SMCO4: variants seen among roughly 807,000 people sequenced by gnomAD.
The protein encoded by SMCO4 is single-pass membrane and coiled-coil domain-containing protein 4.
In SMCO4, 4 loss-of-function variants were observed where a neutral mutation model predicts 3.6. The observed-to-expected ratio is 1.11, with a 90% CI of 0.54 to 2.53. The LOEUF is 2.53. Among genes scored for constraint, SMCO4 ranks in the 30% most tolerant of loss-of-function variants. The pLI, the probability that SMCO4 is intolerant of heterozygous loss-of-function variation, is 0.02. For synonymous variants in SMCO4, 36 were observed against 35.3 expected (o/e 1.02, Z -0.07); for missense variants, 70 against 80.8 (o/e 0.87, Z 0.51).
chr11:93,484,800 C>T (rs371209712), intron 2 of SMCO4, among the ~76,000 whole-genome samples: 1 of 151,564 alleles, frequency 6.6e-6, no homozygotes, highest in Non-Finnish European at 1.5e-5. Context: ...AGGTTTGATG[C>T]GAGAAGCCTG....
intron 1 of SMCO4, among the ~76,000 whole-genome samples, chr11:93,527,061 C>T (rs575134540): frequency 6.6e-6 from 1 of 152,334 alleles, no homozygotes; most frequent in Non-Finnish European, 1.5e-5. Flanking sequence ...ACAAACCAAC[C>T]TTGGCAACCG....
intron 1 of SMCO4, among the ~76,000 whole-genome samples, chr11:93,537,308 T>C (rs1277351776): frequency 1.3e-5 from 2 of 152,190 alleles, no homozygotes; most frequent in Non-Finnish European, 2.9e-5. Context: ...CCCACGCATT[T>C]GAGTCCCTCC....
intron 1 of SMCO4, among the ~76,000 whole-genome samples, chr11:93,509,207 C>T (rs1021639236): frequency 2.6e-5 from 4 of 151,916 alleles, no homozygotes; most frequent in Admixed American, 2.0e-4. Context: ...AGGAGGATCG[C>T]TTGCACCCAG....
upstream of SMCO4, among the ~76,000 whole-genome samples, chr11:93,545,263 G>A (rs549235998): frequency 3.3e-5 from 5 of 152,260 alleles, no homozygotes; most frequent in South Asian, 1.0e-3. Context: ...CTCCCTTATA[G>A]TAGTAATAAC....
intron 1 of SMCO4, among the ~76,000 whole-genome samples, chr11:93,519,067 A>G (rs1244019432): frequency 6.6e-6 from 1 of 152,264 alleles, no homozygotes; most frequent in Non-Finnish European, 1.5e-5. Flanking sequence ...GCACTACTTA[A>G]GAATGGCTTG....
In SMCO4 at chr11:93,478,667, C is replaced by T; in HGVS notation, c.*343G>A. The T allele has an allele frequency of 4.3e-6, 1 of 233,944 alleles. No homozygotes were observed. 14.5% of individuals were successfully genotyped at this position (233,944 alleles called of 1,614,324 possible). ...TGTTTCCTGACCCAGAGGTTCCATCCCTCTTCAGGTGGAGCTACTTATCGA... is the reference window on the plus strand; with the variant it reads ...TGTTTCCTGACCCAGAGGTTCCATCTCTCTTCAGGTGGAGCTACTTATCGA... On this transcript the variant is annotated 3_prime_UTR_variant, in exon 3 of 3. Transcript: ENST00000298966.
chr11:93,478,721 A>G lies in SMCO4; in HGVS notation c.*289T>C, dbSNP rs1414479742. 1.3e-4 allele frequency: 23 copies of G among 176,304 alleles called. No individual in the cohort carries two copies. The East Asian group carries it at 3.4e-3, about 26-fold the overall frequency. The allele number at this position is 176,304 out of a possible 1,614,324, so 10.9% of individuals were successfully genotyped here. On this transcript the variant is annotated 3_prime_UTR_variant, in exon 3 of 3. Coordinates refer to ENST00000298966, the MANE Select transcript of SMCO4 (RefSeq NM_020179.3). ...TTAGGAGAGAAAAAGAAGCACACACACACACACACACACACACACACACAC... is the reference window on the plus strand; with the variant it reads ...TTAGGAGAGAAAAAGAAGCACACACGCACACACACACACACACACACACAC...
At position 93,478,917 on chromosome 11, in the gene SMCO4, T is replaced by A. The variant is rs547019109; in HGVS notation, c.*93A>T. 6.8e-7 allele frequency: 1 copy of A among 1,476,102 alleles called. No individual in the cohort carries two copies. Among genetic ancestry groups the A allele is most frequent in the Non-Finnish European group, 9.0e-7 (1 of 1,113,440 alleles). 91.4% of individuals were successfully genotyped at this position (1,476,102 alleles called of 1,614,324 possible). On this transcript the variant is annotated 3_prime_UTR_variant, in exon 3 of 3. Transcript: ENST00000298966. Reference sequence around the variant, plus strand: ...TGCTCCTGCTTACAGCTCAGCAACATGAACATCTCTGAATATGAAAGCCAT... The same window carrying A: ...TGCTCCTGCTTACAGCTCAGCAACAAGAACATCTCTGAATATGAAAGCCAT...
chr11:93,535,465 C>T (rs1323846134), intron 1 of SMCO4: 6 of 1,383,538 alleles, frequency 4.3e-6, no homozygotes, highest in Admixed American at 1.8e-5. Context: ...CCAGAGTCGC[C>T]GCGATGGTGT....
At chr11:93,535,439 A>G in intron 1 of SMCO4, 1 of 1,315,916 alleles carries the variant, frequency 7.6e-7, no homozygotes, top group Non-Finnish European at 1.1e-6. Context: ...TAGGGGCTTA[A>G]GCAGAGGGAG....
chr11:93,496,387 TAAC>T (rs1254515115), intron 2 of SMCO4, among the ~76,000 whole-genome samples: 1 of 152,028 alleles, frequency 6.6e-6, no homozygotes, highest in Non-Finnish European at 1.5e-5. Context: ...CAAAGTGAGT[TAAC>T]AACTACGTAC....
chr11:93,527,116 GACC>G (rs1949115644), intron 1 of SMCO4, among the ~76,000 whole-genome samples: 2 of 152,218 alleles, frequency 1.3e-5, no homozygotes, highest in South Asian at 4.1e-4. Context: ...AAATCGGGCT[GACC>G]ACCACCTCAC....
At chr11:93,506,599 T>C (rs1376461721) in intron 1 of SMCO4, among the ~76,000 whole-genome samples, 1 of 151,294 alleles carries the variant, frequency 6.6e-6, no homozygotes, top group African/African-American at 2.4e-5. Flanking sequence ...CCACCACGTC[T>C]AGCTAATTTT....
intron 1 of SMCO4, among the ~76,000 whole-genome samples, chr11:93,525,888 A>T (rs1949101717): frequency 2.6e-5 from 4 of 152,224 alleles, no homozygotes; most frequent in Admixed American, 2.6e-4. Flanking sequence ...TCAAGAAATT[A>T]TCTCAGGATA....
chr11:93,487,049 G>A (rs1948658723), intron 2 of SMCO4, among the ~76,000 whole-genome samples: 1 of 152,106 alleles, frequency 6.6e-6, no homozygotes, highest in South Asian at 2.1e-4. Flanking sequence ...GCATTAGAAG[G>A]GCCAAACTGC....
At chr11:93,524,706 G>A (rs1450083885) in intron 1 of SMCO4, among the ~76,000 whole-genome samples, 1 of 152,168 alleles carries the variant, frequency 6.6e-6, no homozygotes, top group Non-Finnish European at 1.5e-5. Flanking sequence ...CCAAAATGCA[G>A]GGAAGGCACG....
intron 1 of SMCO4, among the ~76,000 whole-genome samples, chr11:93,526,791 T>C (rs912739735): frequency 1.2e-4 from 19 of 152,150 alleles, no homozygotes; most frequent in Admixed American, 1.1e-3. Context: ...CAGGCATTTT[T>C]ATCACTCACT....
At chr11:93,539,637 C>A (rs1320852417) in intron 1 of SMCO4, among the ~76,000 whole-genome samples, 1 of 152,156 alleles carries the variant, frequency 6.6e-6, no homozygotes, top group African/African-American at 2.4e-5. Context: ...ACAACAAACA[C>A]CCTCTTGGAA....
intron 2 of SMCO4, among the ~76,000 whole-genome samples, chr11:93,497,706 T>C (rs922124051): frequency 4.6e-5 from 7 of 152,206 alleles, no homozygotes; most frequent in African/African-American, 7.2e-5. Context: ...ATGCAAGACA[T>C]TGAACTTCTG....
Sources: allele counts gnomAD v4.1 joint callset (sites outside exome capture counted in the v4.1 genomes callset), GRCh38; gene constraint gnomAD v4.1.1; transcripts MANE v1.5; gene names NCBI Gene and HGNC (gene_info 2026-07-23, HGNC 2026-07-21).